The following ADSS2 variants were observed in gnomAD, a reference collection of about 807,000 sequenced individuals.
The protein encoded by ADSS2 is adenylosuccinate synthetase isozyme 2.
In ADSS2, 30 loss-of-function variants were observed where a neutral mutation model predicts 60.0. The observed-to-expected ratio is 0.50, with a 90% CI of 0.37 to 0.68. The LOEUF (loss-of-function observed/expected upper bound fraction) is 0.68, where lower values mean the gene tolerates loss of function less well. Among genes scored for constraint, ADSS2 ranks in the 30% least tolerant of loss-of-function variants. The probability of loss-of-function intolerance (pLI) is 0.00; values close to 1 mark genes in which losing one functional copy is unlikely to be tolerated. For synonymous variants in ADSS2, 187 were observed against 193.1 expected, an observed-to-expected ratio of 0.97 and a Z score of 0.26; for missense variants, 373 against 554.8, an observed-to-expected ratio of 0.67 and a Z score of 3.29.
At chr1:244,426,716 G>A (rs952034503) in intron 4 of ADSS2, among the ~76,000 whole-genome samples, 17 of 151,952 alleles carry the variant, frequency 1.1e-4, no homozygotes, top group Admixed American at 3.9e-4. Context: ...TCTCCCTGAG[G>A]TCTTTACTCA....
At position 244,430,555 on chromosome 1, in the gene ADSS2, G is replaced by C. The variant is rs535306835; in HGVS notation, c.406+1990C>G. Among the ~76,000 whole-genome samples the C allele has an allele frequency of 6.6e-5, 10 of 152,274 alleles. No individual in the cohort carries two copies. In the East Asian group the frequency reaches 1.5e-3, roughly 24 times the overall value. ...GCTGATTAAGATACTGAATTTCACA[G>C]AGCAGACAACATAACAAAAAGCCAT... is the stretch of plus-strand genomic sequence containing the variant. On this transcript the variant is annotated intron_variant, in intron 4 of 12. Transcript: ENST00000366535.
intron 3 of ADSS2, among the ~76,000 whole-genome samples, chr1:244,433,825 A>G (rs1356102334): frequency 7.1e-6 from 1 of 140,758 alleles, no homozygotes; most frequent in Non-Finnish European, 1.5e-5. Flanking sequence ...GTGCCACTGC[A>G]CTCCAGCCTG....
intron 4 of ADSS2, among the ~76,000 whole-genome samples, chr1:244,428,383 C>T (rs1664855246): frequency 6.6e-6 from 1 of 151,890 alleles, no homozygotes; most frequent in Non-Finnish European, 1.5e-5. Flanking sequence ...TTATTTTGAA[C>T]TGAATGGAAA....
intron 1 of ADSS2, among the ~76,000 whole-genome samples, chr1:244,444,154 C>T (rs1009733105): frequency 1.3e-5 from 2 of 152,096 alleles, no homozygotes; most frequent in African/African-American, 2.4e-5. Flanking sequence ...AATTCAATTG[C>T]AGTCACAAAA....
Position 244,408,917 on chromosome 1 carries a change from T to C in ADSS2, c.*669A>G, listed in dbSNP as rs1431847455. ...TTGTTTTGGGAAACATCTATTCTCT[T>C]TGAACATTTCACTAAATTTTCAATG... On this transcript the variant is annotated 3_prime_UTR_variant, in exon 13 of 13. Coordinates refer to ENST00000366535, the MANE Select transcript of ADSS2 (RefSeq NM_001126.5). 1 of 152,584 alleles carries C rather than the reference T, an allele frequency of 6.6e-6. No individual in the cohort carries two copies. Among genetic ancestry groups the C allele is most frequent in the Non-Finnish European group, 1.5e-5 (1 of 68,028 alleles). The allele number at this position is 152,584 out of a possible 1,614,324, so 9.5% of individuals were successfully genotyped here. A position where few individuals can be genotyped will look rare whatever the true frequency, so the allele number is the denominator to read the frequency against.
chr1:244,448,342 T>C (rs1417851718), intron 1 of ADSS2, among the ~76,000 whole-genome samples: 1 of 152,262 alleles, frequency 6.6e-6, no homozygotes, highest in Non-Finnish European at 1.5e-5. Flanking sequence ...CAGATACTTG[T>C]ATCTAGCTAG....
intron 11 of ADSS2, among the ~76,000 whole-genome samples, chr1:244,413,947 A>T (rs1437551094): frequency 6.6e-6 from 1 of 152,158 alleles, no homozygotes; most frequent in Non-Finnish European, 1.5e-5. Context: ...AACCTCCCAT[A>T]ATGAAGCCAA....
At chr1:244,437,021 T>G (rs1665118590) in intron 2 of ADSS2, 128 bp from the exon 3 acceptor site, 4 of 691,468 alleles carry the variant, frequency 5.8e-6, no homozygotes, top group Non-Finnish European at 9.8e-6. Context: ...GAGTATAATT[T>G]AAATACATAA....
At chr1:244,440,908 T>C (rs2148011513) in intron 1 of ADSS2, among the ~76,000 whole-genome samples, 1 of 152,318 alleles carries the variant, frequency 6.6e-6, no homozygotes, top group Non-Finnish European at 1.5e-5. Context: ...GGCACTCAGA[T>C]TGTTTCCCAT....
Position 244,451,329 on chromosome 1 carries a change from G to T in ADSS2, c.183+306C>A, listed in dbSNP as rs1665583909. 6.6e-6 allele frequency among the ~76,000 whole-genome samples: 1 copy of T among 152,122 alleles called. No homozygotes were observed. The highest frequency in any genetic ancestry group is 2.1e-4 in the South Asian group (1 of 4,826). ...CCTCCACCCCGGCCTCAGTCCCGGC[G>T]CTGAGCACCACTCGCCAGACGCAAA... On this transcript the variant is annotated intron_variant, in intron 1 of 12. Transcript: ENST00000366535. This position sits in a 1 kb window ranked among gnomAD's most constrained non-coding sequence, Gnocchi z 6.6.
Position 244,439,122 on chromosome 1 carries a change from C to A in ADSS2, c.184-1354G>T, listed in dbSNP as rs148884784. Among the ~76,000 whole-genome samples, 44 of 152,242 alleles carry A rather than the reference C, an allele frequency of 2.9e-4. No individual in the cohort carries two copies. In the East Asian group the frequency reaches 7.9e-3, roughly 27 times the overall value. ...GTTCCACTGTTTTAATTTTTAGCTC[C>A]CACAAGTTAAGTGGGAACATGTGAA... On this transcript the variant is annotated intron_variant, in intron 1 of 12. Coordinates refer to ENST00000366535, the MANE Select transcript of ADSS2 (RefSeq NM_001126.5).
intron 1 of ADSS2, among the ~76,000 whole-genome samples, chr1:244,445,343 A>T (rs1422372306): frequency 6.6e-6 from 1 of 152,224 alleles, no homozygotes; most frequent in East Asian, 1.9e-4. Context: ...TATTAAAATG[A>T]TTGCTAGATA....
At chr1:244,446,958 T>A (rs1665406752) in intron 1 of ADSS2, among the ~76,000 whole-genome samples, 1 of 152,228 alleles carries the variant, frequency 6.6e-6, no homozygotes, top group Non-Finnish European at 1.5e-5. Flanking sequence ...AATCTCATTT[T>A]TAGAAATCTC....
Position 244,432,660 on chromosome 1 carries a change from C to CTTTTTTTTTTTTT in ADSS2, c.356-78_356-66dup, listed in dbSNP as rs532312490. The CTTTTTTTTTTTTT allele has an allele frequency of 3.1e-5, 12 of 387,304 alleles. 1 individual carries two copies. The highest frequency in any genetic ancestry group is 2.0e-4 in the Admixed American group (3 of 15,220). The allele number at this position is 387,304 out of a possible 1,614,324, so 24.0% of individuals were successfully genotyped here. A position where few individuals can be genotyped will look rare whatever the true frequency, so the allele number is the denominator to read the frequency against. On this transcript the variant is annotated intron_variant, in intron 3 of 12. Transcript: ENST00000366535. ...TATAGCAGTTTTAAAATCTTAATTT[C>CTTTTTTTTTTTTT]TTTTTTTTTTTTTTTTTTTTTGAGA...
chr1:244,409,662 G>C (rs1311465384), intron 12 of ADSS2, 24 bp from the exon 13 acceptor site: 1 of 1,565,100 alleles, frequency 6.4e-7, no homozygotes, highest in Non-Finnish European at 8.8e-7. Context: ...AAGAGAAAAG[G>C]AATTGAATCA....
intron 3 of ADSS2, among the ~76,000 whole-genome samples, chr1:244,436,189 G>A (rs1012535960): frequency 6.6e-6 from 1 of 152,142 alleles, no homozygotes; most frequent in Non-Finnish European, 1.5e-5. Context: ...GATTTTGGGA[G>A]CATTTTGGAT....
intron 12 of ADSS2, among the ~76,000 whole-genome samples, 186 bp from the exon 13 acceptor site, chr1:244,409,824 C>T (rs536503605): frequency 2.6e-5 from 4 of 151,982 alleles, no homozygotes; most frequent in Admixed American, 6.6e-5. Context: ...AAATAAGACC[C>T]AGCACAGGAC....
chr1:244,437,808 A>C (rs1558278376), intron 1 of ADSS2, 40 bp from the exon 2 acceptor site: 11 of 1,388,600 alleles, frequency 7.9e-6, no homozygotes, highest in Admixed American at 1.7e-5. Flanking sequence ...CTGATGATAA[A>C]TACTACAAAT....
chr1:244,440,731 T>C (rs1031347256), intron 1 of ADSS2, among the ~76,000 whole-genome samples: 1 of 152,208 alleles, frequency 6.6e-6, no homozygotes, highest in African/African-American at 2.4e-5. Context: ...AAAACATATA[T>C]ACTGTTTTAT....
Sources: allele counts gnomAD v4.1 joint callset (sites outside exome capture counted in the v4.1 genomes callset), GRCh38; gene constraint gnomAD v4.1.1; non-coding constraint Gnocchi (gnomAD v3.1); transcripts MANE v1.5; gene names NCBI Gene and HGNC (gene_info 2026-07-23, HGNC 2026-07-21).